KHDRBS2: variants seen among roughly 807,000 people sequenced by gnomAD.
The protein encoded by KHDRBS2 is KH domain-containing, RNA-binding, signal transduction-associated protein 2.
A neutral mutation model predicts 44.3 loss-of-function variants in KHDRBS2; 26 were observed. The ratio of observed to expected loss-of-function variants is 0.59; its 90% CI spans 0.43 to 0.81. The LOEUF is 0.81. Among genes scored for constraint, KHDRBS2 ranks in the 40% least tolerant of loss-of-function variants. The pLI is 0.00. For synonymous variants in KHDRBS2, 194 were observed against 151.1 expected (o/e 1.28, Z -2.08); for missense variants, 476 against 433.1 (o/e 1.10, Z -0.88).
intron 7 of KHDRBS2, among the ~76,000 whole-genome samples, chr6:61,699,322 T>A (rs1768295205): frequency 6.6e-6 from 1 of 152,132 alleles, no homozygotes; most frequent in Non-Finnish European, 1.5e-5. Flanking sequence ...CATGTATTTT[T>A]AATCTTACTG....
At chr6:62,135,863 A>G (rs994506348) in intron 2 of KHDRBS2, among the ~76,000 whole-genome samples, 1 of 152,144 alleles carries the variant, frequency 6.6e-6, no homozygotes, top group African/African-American at 2.4e-5. Context: ...AAGTAAAAAA[A>G]CAAAAAAAGG....
intron 4 of KHDRBS2, among the ~76,000 whole-genome samples, chr6:61,903,740 G>A (rs569689749): frequency 6.6e-6 from 1 of 152,256 alleles, no homozygotes; most frequent in South Asian, 2.1e-4. Flanking sequence ...TTGTGTATTG[G>A]AGCTCTCCTT....
intron 6 of KHDRBS2, among the ~76,000 whole-genome samples, chr6:61,791,774 C>T (rs1176572495): frequency 6.6e-6 from 1 of 151,392 alleles, no homozygotes; most frequent in Non-Finnish European, 1.5e-5. Context: ...TACTCTCATA[C>T]TGCTCAGATA....
At chr6:62,282,035 A>T (rs1402960963) in intron 1 of KHDRBS2, among the ~76,000 whole-genome samples, 1 of 152,218 alleles carries the variant, frequency 6.6e-6, no homozygotes, top group Non-Finnish European at 1.5e-5. Context: ...AAGTCACTTT[A>T]AAGAGTCACA....
At chr6:61,661,354 T>C in the KHDRBS2 span, 1 of 151,828 alleles carries the variant, frequency 6.6e-6, no homozygotes, top group Non-Finnish European at 1.5e-5. Context: ...TTTTCTATCA[T>C]ACATCTTCAC....
At chr6:61,755,430 C>A (rs1479128917) in intron 6 of KHDRBS2, among the ~76,000 whole-genome samples, 2 of 151,992 alleles carry the variant, frequency 1.3e-5, no homozygotes, top group African/African-American at 4.8e-5. Flanking sequence ...AACTAGTCTG[C>A]AGAAAAACAA....
chr6:61,955,087 C>T (rs9453722), intron 4 of KHDRBS2, among the ~76,000 whole-genome samples: 47,766 of 139,500 alleles, frequency 0.34, 8,607 homozygotes, highest in Middle Eastern at 0.49. Flanking sequence ...TGTATGTATG[C>T]ATACATATAT....
intron 4 of KHDRBS2, among the ~76,000 whole-genome samples, chr6:61,902,335 T>G (rs1167892279): frequency 6.6e-6 from 1 of 152,082 alleles, no homozygotes; most frequent in Non-Finnish European, 1.5e-5. Flanking sequence ...AAAAGGTAAA[T>G]TTCACAATAA....
intron 2 of KHDRBS2, among the ~76,000 whole-genome samples, chr6:62,171,358 A>G (rs1014861523): frequency 2.6e-5 from 4 of 152,120 alleles, no homozygotes; most frequent in Non-Finnish European, 5.9e-5. Flanking sequence ...CTGGTTGTCC[A>G]AATCCACTCA....
chr6:62,153,548 A>G (rs780960501), intron 2 of KHDRBS2, among the ~76,000 whole-genome samples: 2 of 152,148 alleles, frequency 1.3e-5, no homozygotes, highest in Non-Finnish European at 2.9e-5. Context: ...CCTTTACAAG[A>G]GTATGGATTT....
intron 6 of KHDRBS2, among the ~76,000 whole-genome samples, chr6:61,820,446 A>G (rs1379929947): frequency 6.6e-6 from 1 of 152,034 alleles, no homozygotes; most frequent in African/African-American, 2.4e-5. Flanking sequence ...AGAGAAGATG[A>G]AGAATATTCA....
At chr6:61,760,834 A>T (rs563494840) in intron 6 of KHDRBS2, among the ~76,000 whole-genome samples, 1 of 152,228 alleles carries the variant, frequency 6.6e-6, no homozygotes, top group Non-Finnish European at 1.5e-5. Context: ...GTTGGCAGGC[A>T]TAATACAAAT....
chr6:61,654,883 A>G, the KHDRBS2 span, among the ~76,000 whole-genome samples: 2 of 151,666 alleles, frequency 1.3e-5, no homozygotes, highest in Non-Finnish European at 2.9e-5. Flanking sequence ...GGGAAGGCGC[A>G]GGAGGCAAAG....
chr6:61,565,858 G>A, the KHDRBS2 span, among the ~76,000 whole-genome samples: 9 of 152,058 alleles, frequency 5.9e-5, no homozygotes, highest in African/African-American at 1.7e-4. Context: ...TCTCACTGCT[G>A]GGTATATATC....
chr6:61,801,924 T>C (rs1427315663), intron 6 of KHDRBS2, among the ~76,000 whole-genome samples: 1 of 152,128 alleles, frequency 6.6e-6, no homozygotes, highest in African/African-American at 2.4e-5. Context: ...ATTATCTAGG[T>C]AGGTCTGAAC....
intron 6 of KHDRBS2, among the ~76,000 whole-genome samples, chr6:61,882,597 A>T (rs1800360329): frequency 6.6e-6 from 1 of 152,190 alleles, no homozygotes; most frequent in East Asian, 1.9e-4. Context: ...CAATGAAGAG[A>T]AATAGTCTTA....
the KHDRBS2 span, among the ~76,000 whole-genome samples, chr6:61,666,998 T>C: frequency 6.6e-6 from 1 of 150,440 alleles, no homozygotes; most frequent in East Asian, 2.0e-4. Context: ...TGGGTTTTTT[T>C]TTTTTTTTTC....
chr6:62,105,361 AAAATTTTAGTT>A (rs1030937579), intron 2 of KHDRBS2, among the ~76,000 whole-genome samples: 1 of 152,196 alleles, frequency 6.6e-6, no homozygotes, highest in African/African-American at 2.4e-5. Flanking sequence ...ATTTCTAAAC[AAAATTTTAGTT>A]AATAGGAACC....
intron 6 of KHDRBS2, among the ~76,000 whole-genome samples, chr6:61,846,639 T>G (rs904218765): frequency 3.7e-4 from 56 of 152,212 alleles, no homozygotes; most frequent in African/African-American, 1.4e-3. Flanking sequence ...AGAAGTCTTG[T>G]AATGATTATA....
Sources: gnomAD v4.1 joint callset for allele counts (sites outside exome capture counted in the v4.1 genomes callset) on GRCh38, gnomAD v4.1.1 for gene constraint, MANE v1.5 for transcripts, NCBI Gene and HGNC (gene_info 2026-07-23, HGNC 2026-07-21) for gene names.